The following MRPL48 variants were observed in gnomAD, a reference collection of about 807,000 sequenced individuals.
MRPL48 encodes the protein mitochondrial ribosomal protein L48.
Under a neutral mutation model 32.9 loss-of-function variants are expected in MRPL48, and 16 were observed. That is an observed-to-expected ratio of 0.49 (90% CI 0.33 to 0.74). MRPL48 has a LOEUF of 0.74. Among genes scored for constraint, MRPL48 ranks in the 30% least tolerant of loss-of-function variants. The probability of loss-of-function intolerance (pLI) is 0.02; values close to 1 mark genes in which losing one functional copy is unlikely to be tolerated. For synonymous variants in MRPL48, 94 were observed against 89.2 expected (o/e 1.05, Z -0.31); for missense variants, 206 against 245.3 (o/e 0.84, Z 1.07).
At chr11:73,803,540 A>C (rs1947394455) in intron 1 of MRPL48, among the ~76,000 whole-genome samples, 1 of 152,060 alleles carries the variant, frequency 6.6e-6, no homozygotes. Context: ...TTTCTGTTGC[A>C]GATCCCATTC....
At chr11:73,788,892 A>G (rs1203233019) in intron 1 of MRPL48, among the ~76,000 whole-genome samples, 1 of 152,184 alleles carries the variant, frequency 6.6e-6, no homozygotes, top group Non-Finnish European at 1.5e-5. Flanking sequence ...AACAGATTTC[A>G]TTTGTGCTCT....
intron 7 of MRPL48, among the ~76,000 whole-genome samples, chr11:73,863,953 C>T (rs1948627012): frequency 6.6e-6 from 1 of 152,146 alleles, no homozygotes; most frequent in Admixed American, 6.5e-5. Context: ...TTAAAACAGT[C>T]CAATCCCTGT....
intron 5 of MRPL48, among the ~76,000 whole-genome samples, chr11:73,853,742 G>A: frequency 7.7e-6 from 1 of 129,462 alleles, no homozygotes; most frequent in East Asian, 2.4e-4. Flanking sequence ...CCAGGCTAGA[G>A]TGCAGTGGCG....
chr11:73,824,089 C>T (rs980573662), intron 3 of MRPL48, among the ~76,000 whole-genome samples: 2 of 151,724 alleles, frequency 1.3e-5, no homozygotes, highest in Admixed American at 6.6e-5. Context: ...CTCCTGACCT[C>T]GTGATCTACC....
At position 73,864,733 on chromosome 11, in the gene MRPL48, G is replaced by T; in HGVS notation, c.*363G>T. ...GCACTTTGCGAGGCCGAGGCAGGAG[G>T]ACTGCTCGAGGCCAGGAGCTTGAGA... On this transcript the variant is annotated 3_prime_UTR_variant, in exon 8 of 8. Coordinates refer to ENST00000310614, the MANE Select transcript of MRPL48 (RefSeq NM_016055.6). The T allele has an allele frequency of 4.2e-6, 1 of 239,126 alleles. No individual in the cohort carries two copies. The highest frequency in any genetic ancestry group is 8.2e-6 in the Non-Finnish European group (1 of 121,244). The allele number at this position is 239,126 out of a possible 1,614,324, so 14.8% of individuals were successfully genotyped here. A position where few individuals can be genotyped will look rare whatever the true frequency, so the allele number is the denominator to read the frequency against.
intron 1 of MRPL48, among the ~76,000 whole-genome samples, chr11:73,788,957 A>G (rs931279639): frequency 1.3e-5 from 2 of 152,140 alleles, no homozygotes; most frequent in African/African-American, 4.8e-5. Context: ...TTTATATTAA[A>G]ATTTTGTTTT....
In MRPL48 at chr11:73,860,012, A is replaced by G; in HGVS notation, c.474+3A>G. 6.2e-7 allele frequency: 1 copy of G among 1,611,546 alleles called. No homozygotes were observed. Among genetic ancestry groups the G allele is most frequent in the Non-Finnish European group, 8.5e-7 (1 of 1,178,500 alleles). On this transcript the variant is annotated splice_donor_region_variant and intron_variant, in intron 6 of 7. Coordinates refer to ENST00000310614, the MANE Select transcript of MRPL48 (RefSeq NM_016055.6). Reference sequence around the variant, plus strand: ...CCACCCATGAGCGAGTGGTTCAGGTAGGCACTCCAGGAGAATAAAAAATGT... The same window carrying G: ...CCACCCATGAGCGAGTGGTTCAGGTGGGCACTCCAGGAGAATAAAAAATGT...
chr11:73,833,626 T>A (rs180760923), intron 4 of MRPL48, among the ~76,000 whole-genome samples: 51 of 152,278 alleles, frequency 3.3e-4, no homozygotes, highest in African/African-American at 1.2e-3. Flanking sequence ...CAGCTTTACT[T>A]GATAAAAACA....
At chr11:73,828,227 CT>C (rs34182477) in intron 4 of MRPL48, among the ~76,000 whole-genome samples, 759 of 131,888 alleles carry the variant, frequency 5.8e-3, no homozygotes, top group Middle Eastern at 7.8e-3. Context: ...CAAAATAATT[CT>C]TTTTTTTTTT....
intron 3 of MRPL48, among the ~76,000 whole-genome samples, chr11:73,814,422 C>T (rs950001585): frequency 6.6e-6 from 1 of 150,954 alleles, no homozygotes; most frequent in Non-Finnish European, 1.5e-5. Context: ...AGGTGGGGCA[C>T]GGTGGCTCAC....
chr11:73,844,436 A>C (rs1948249661), intron 4 of MRPL48, among the ~76,000 whole-genome samples: 1 of 152,186 alleles, frequency 6.6e-6, no homozygotes, highest in African/African-American at 2.4e-5. Flanking sequence ...TCTCCAAAAA[A>C]AAGAAAAATA....
At chr11:73,823,569 A>G (rs1947822201) in intron 3 of MRPL48, among the ~76,000 whole-genome samples, 1 of 151,968 alleles carries the variant, frequency 6.6e-6, no homozygotes, top group Non-Finnish European at 1.5e-5. Flanking sequence ...CCACTAGGTT[A>G]TAACACTTGA....
chr11:73,826,608 G>A (rs1947894952), intron 4 of MRPL48, among the ~76,000 whole-genome samples: 4 of 151,784 alleles, frequency 2.6e-5, no homozygotes, highest in Admixed American at 2.6e-4. Context: ...CCTCCCAAGT[G>A]GCAGGGATTA....
At chr11:73,816,043 T>A (rs1590954138) in intron 3 of MRPL48, among the ~76,000 whole-genome samples, 1 of 151,486 alleles carries the variant, frequency 6.6e-6, no homozygotes. Flanking sequence ...ACTTTTTATT[T>A]TTTTATTTTA....
chr11:73,816,484 A>T (rs1486363400), intron 3 of MRPL48, among the ~76,000 whole-genome samples: 1 of 151,468 alleles, frequency 6.6e-6, no homozygotes, highest in Admixed American at 6.6e-5. Flanking sequence ...TTTATTTTTG[A>T]GATGGAGTTT....
intron 2 of MRPL48, among the ~76,000 whole-genome samples, chr11:73,806,868 T>C (rs1259076002): frequency 6.6e-6 from 1 of 151,950 alleles, no homozygotes; most frequent in Non-Finnish European, 1.5e-5. Context: ...CTCTCCATTG[T>C]TTTTCTTTTT....
Position 73,858,161 on chromosome 11 carries a change from A to AT in MRPL48, c.372-1739dup, listed in dbSNP as rs1565113047. 2.6e-5 allele frequency among the ~76,000 whole-genome samples: 4 copies of AT among 152,136 alleles called. 1 individual carries two copies. Among genetic ancestry groups the AT allele is most frequent in the South Asian group, 4.1e-4 (2 of 4,822 alleles). On this transcript the variant is annotated intron_variant, in intron 5 of 7. Transcript: ENST00000310614. ...ATAAGAAGTCTATGATTGTATCCCC[A>AT]TTTTTTTATGTTGGAAAGTTATTAC...
intron 1 of MRPL48, among the ~76,000 whole-genome samples, chr11:73,794,891 T>A (rs1288915179): frequency 6.8e-6 from 1 of 146,974 alleles, no homozygotes. Context: ...ATAACAGGCA[T>A]GCACCACCAT....
Position 73,805,230 on chromosome 11 carries a change from A to G in MRPL48, c.74+151A>G, listed in dbSNP as rs561844893. Among the ~76,000 whole-genome samples, 90 of 151,286 alleles carry G rather than the reference A, an allele frequency of 5.9e-4. 4 individuals are homozygous for G. The South Asian group carries it at 0.018, about 31-fold the overall frequency. On this transcript the variant is annotated intron_variant, in intron 2 of 7. Transcript: ENST00000310614. ...CTTGCTCCTTCCCCATTCTCAGTTAATAGCATCTCCATTCATCTAGTTGCT... is the reference window on the plus strand; with the variant it reads ...CTTGCTCCTTCCCCATTCTCAGTTAGTAGCATCTCCATTCATCTAGTTGCT...
Sources: gnomAD v4.1 joint callset for allele counts (sites outside exome capture counted in the v4.1 genomes callset) on GRCh38, gnomAD v4.1.1 for gene constraint, MANE v1.5 for transcripts, NCBI Gene and HGNC (gene_info 2026-07-23, HGNC 2026-07-21) for gene names.